Variants in KCNH5 observed in about 807,000 individuals in gnomAD.
KCNH5 encodes the protein potassium voltage-gated channel subfamily H member 5, also known as voltage-gated delayed rectifier potassium channel KCNH5.
KCNH5 carries 46 observed loss-of-function variants against 96.1 expected under a neutral mutation model. The observed-to-expected ratio is 0.48, with a 90% CI of 0.38 to 0.61. The LOEUF is 0.61. Among genes scored for constraint, KCNH5 ranks in the 20% least tolerant of loss-of-function variants. KCNH5 has a pLI of 0.00. For synonymous variants in KCNH5, 439 were observed against 449.8 expected (o/e 0.98, Z 0.30); for missense variants, 907 against 1,225.8 (o/e 0.74, Z 3.88).
At chr14:62,988,522 A>C (rs752464777) in intron 4 of KCNH5, among the ~76,000 whole-genome samples, 3 of 152,128 alleles carry the variant, frequency 2.0e-5, no homozygotes, top group Non-Finnish European at 4.4e-5. Flanking sequence ...CCACCAATTC[A>C]GGTCTATGTA....
At chr14:62,803,394 T>C (rs981867313) in intron 8 of KCNH5, among the ~76,000 whole-genome samples, 1 of 152,194 alleles carries the variant, frequency 6.6e-6, no homozygotes, top group Non-Finnish European at 1.5e-5. Context: ...ACTCTTGATA[T>C]ATTTTTTTCA....
intron 7 of KCNH5, among the ~76,000 whole-genome samples, chr14:62,912,413 T>TC (rs952287825): frequency 6.6e-6 from 1 of 151,778 alleles, no homozygotes; most frequent in African/African-American, 2.4e-5. Flanking sequence ...TATCTTGATT[T>TC]TTTTTTTTTT....
At chr14:62,952,402 C>T (rs964864867) in intron 6 of KCNH5, among the ~76,000 whole-genome samples, 7 of 152,058 alleles carry the variant, frequency 4.6e-5, no homozygotes, top group African/African-American at 1.7e-4. Context: ...ACAAGTAATA[C>T]AAAAATAAAC....
At chr14:62,902,533 C>A (rs2140094186) in intron 7 of KCNH5, among the ~76,000 whole-genome samples, 1 of 152,192 alleles carries the variant, frequency 6.6e-6, no homozygotes, top group South Asian at 2.1e-4. Flanking sequence ...ATCTCTCTAA[C>A]ACCAGCATAG....
chr14:62,762,717 C>G (rs1228901938), intron 10 of KCNH5, among the ~76,000 whole-genome samples: 1 of 150,600 alleles, frequency 6.6e-6, no homozygotes, highest in Non-Finnish European at 1.5e-5. Flanking sequence ...AACAAACAAA[C>G]AAACAAACAC....
chr14:62,878,009 G>A (rs1219455661), intron 7 of KCNH5, among the ~76,000 whole-genome samples: 3 of 151,930 alleles, frequency 2.0e-5, no homozygotes, highest in African/African-American at 4.8e-5. Flanking sequence ...GGAATACTAT[G>A]CAGCCATAAA....
chr14:62,842,224 C>T (rs894106529), intron 8 of KCNH5, among the ~76,000 whole-genome samples: 41 of 152,006 alleles, frequency 2.7e-4, no homozygotes, highest in African/African-American at 7.7e-4. Flanking sequence ...TTTGAGTGTT[C>T]GAAATTACTA....
intron 10 of KCNH5, among the ~76,000 whole-genome samples, chr14:62,763,996 G>A (rs1370290567): frequency 1.3e-5 from 2 of 151,948 alleles, no homozygotes; most frequent in South Asian, 2.1e-4. Context: ...AAAAAATGAG[G>A]GGGAGGAACT....
intron 8 of KCNH5, among the ~76,000 whole-genome samples, chr14:62,810,598 A>G (rs1181992334): frequency 6.6e-6 from 1 of 152,084 alleles, no homozygotes; most frequent in Non-Finnish European, 1.5e-5. Flanking sequence ...TGGCCACAAG[A>G]GTGACCTCTG....
At chr14:62,771,280 G>A (rs1885979430) in intron 10 of KCNH5, among the ~76,000 whole-genome samples, 1 of 152,262 alleles carries the variant, frequency 6.6e-6, no homozygotes, top group African/African-American at 2.4e-5. Context: ...ATATTGGCAA[G>A]GGGTACCAGA....
chr14:62,753,633 C>T lies in KCNH5; in HGVS notation c.2019+26095G>A, dbSNP rs144691582. On this transcript the variant is annotated intron_variant, in intron 10 of 10. Coordinates refer to ENST00000322893, the MANE Select transcript of KCNH5 (RefSeq NM_139318.5). ...AATAACATACAGTGGAGCTCCAATA[C>T]ATATGGCAGCAGACTTTTCAGTGTA... 2.7e-3 allele frequency among the ~76,000 whole-genome samples: 408 copies of T among 152,254 alleles called. 1 individual carries two copies. The highest frequency in any genetic ancestry group is 9.5e-3 in the African/African-American group (393 of 41,542).
intron 10 of KCNH5, among the ~76,000 whole-genome samples, chr14:62,752,230 C>T (rs955207961): frequency 6.6e-6 from 1 of 152,012 alleles, no homozygotes; most frequent in South Asian, 2.1e-4. Context: ...TAGCTGTCCC[C>T]AAAATGTGTT....
intron 9 of KCNH5, among the ~76,000 whole-genome samples, chr14:62,782,025 A>C (rs1321687641): frequency 6.6e-6 from 1 of 152,182 alleles, no homozygotes; most frequent in East Asian, 1.9e-4. Flanking sequence ...TGTCCATGAA[A>C]TCTTCACAAT....
chr14:62,804,550 A>G (rs957581900), intron 8 of KCNH5, among the ~76,000 whole-genome samples: 7 of 152,124 alleles, frequency 4.6e-5, no homozygotes, highest in African/African-American at 1.7e-4. Flanking sequence ...ACAATGAAAA[A>G]AGTGGTATGA....
chr14:62,792,542 T>C (rs1295220158), intron 9 of KCNH5, among the ~76,000 whole-genome samples: 2 of 151,776 alleles, frequency 1.3e-5, no homozygotes, highest in East Asian at 3.9e-4. Context: ...AATGGCATAT[T>C]ATAAAAAAGA....
intron 7 of KCNH5, among the ~76,000 whole-genome samples, chr14:62,916,244 G>A (rs917023080): frequency 6.6e-6 from 1 of 152,030 alleles, no homozygotes; most frequent in African/African-American, 2.4e-5. Flanking sequence ...GAGCCACCAC[G>A]CCCAGCCAGC....
intron 1 of KCNH5, among the ~76,000 whole-genome samples, chr14:63,018,386 C>T (rs555429508): frequency 1.3e-5 from 2 of 151,942 alleles, no homozygotes; most frequent in South Asian, 4.1e-4. Context: ...ACCTCAAATC[C>T]TTCTTGTGGC....
intron 6 of KCNH5, among the ~76,000 whole-genome samples, chr14:62,957,883 A>G (rs1184418133): frequency 6.6e-6 from 1 of 152,260 alleles, no homozygotes; most frequent in Non-Finnish European, 1.5e-5. Context: ...AGCCTAAATC[A>G]GCAGAACCAC....
chr14:62,881,615 T>C (rs146361026), intron 7 of KCNH5, among the ~76,000 whole-genome samples: 7 of 152,252 alleles, frequency 4.6e-5, no homozygotes, highest in African/African-American at 1.2e-4. Flanking sequence ...TCATTTCTAG[T>C]AGAAATCCCT....
Sources: gnomAD v4.1 joint callset for allele counts (sites outside exome capture counted in the v4.1 genomes callset) on GRCh38, gnomAD v4.1.1 for gene constraint, MANE v1.5 for transcripts, NCBI Gene and HGNC (gene_info 2026-07-23, HGNC 2026-07-21) for gene names.